The following SLC1A7 variants were observed in gnomAD, a reference collection of about 807,000 sequenced individuals.
The protein encoded by SLC1A7 is excitatory amino acid transporter 5.
In SLC1A7, 40 loss-of-function variants were observed where a neutral mutation model predicts 47.7. The ratio of observed to expected loss-of-function variants is 0.84; its 90% CI spans 0.65 to 1.09. The LOEUF (loss-of-function observed/expected upper bound fraction) is 1.09. SLC1A7 is among the 50% of genes least tolerant of loss of function. The pLI, the probability that SLC1A7 is intolerant of heterozygous loss-of-function variation, is 0.00. For synonymous variants in SLC1A7, 323 were observed against 325.6 expected, an observed-to-expected ratio of 0.99 and a Z score of 0.09; for missense variants, 746 against 769.5, an observed-to-expected ratio of 0.97 and a Z score of 0.36.
At chr1:53,125,433 C>T (rs1189795838) in intron 2 of SLC1A7, among the ~76,000 whole-genome samples, 1 of 152,106 alleles carries the variant, frequency 6.6e-6, no homozygotes, top group Non-Finnish European at 1.5e-5. Flanking sequence ...GAAAACTGTG[C>T]CCATTTGCAC....
chr1:53,124,574 T>C (rs1644860947), intron 2 of SLC1A7, among the ~76,000 whole-genome samples: 4 of 151,906 alleles, frequency 2.6e-5, no homozygotes, highest in Admixed American at 2.6e-4. Context: ...CAAGGCTCAG[T>C]TGACCTCCCA....
Position 53,087,754 on chromosome 1 carries a change from C to T in SLC1A7, c.*255G>A, listed in dbSNP as rs918027609. On this transcript the variant is annotated 3_prime_UTR_variant, in exon 11 of 11. Transcript: ENST00000371494. ...ACCCCTGCCTGCCGCCCTCACCGGG[C>T]TCACACCGGGGAAACTGTCACAGCG... is the stretch of plus-strand genomic sequence containing the variant. 3 of 340,720 alleles carry T rather than the reference C, an allele frequency of 8.8e-6. No homozygotes were observed. The highest frequency in any genetic ancestry group is 1.6e-5 in the Non-Finnish European group (3 of 188,540). 21.1% of individuals were successfully genotyped at this position (340,720 alleles called of 1,614,324 possible). A position where few individuals can be genotyped will look rare whatever the true frequency, so the allele number is the denominator to read the frequency against.
intron 5 of SLC1A7, among the ~76,000 whole-genome samples, chr1:53,098,339 G>A (rs1345946388): frequency 7.3e-6 from 1 of 136,820 alleles, no homozygotes; most frequent in African/African-American, 2.8e-5. Flanking sequence ...AACCCGCCTT[G>A]CTACACTCAC....
Position 53,128,556 on chromosome 1 carries a change from G to A in SLC1A7, c.215+5794C>T, listed in dbSNP as rs538017830. Among the ~76,000 whole-genome samples the A allele has an allele frequency of 3.5e-5, 5 of 143,194 alleles. 1 individual carries two copies. The South Asian group carries it at 1.1e-3, about 31-fold the overall frequency. The allele number at this position is 143,194 out of a possible 152,430, so 93.9% of individuals were successfully genotyped here. On this transcript the variant is annotated intron_variant, in intron 2 of 10. Coordinates refer to ENST00000371494, the MANE Select transcript of SLC1A7 (RefSeq NM_006671.6). ...CATGGCGCAAGGAATGGCTCTGGGTGCCAGGTGAGTGCATCATGGAGAAGT... is the reference window on the plus strand; with the variant it reads ...CATGGCGCAAGGAATGGCTCTGGGTACCAGGTGAGTGCATCATGGAGAAGT...
At chr1:53,101,447 C>T (rs1272671705) in intron 5 of SLC1A7, among the ~76,000 whole-genome samples, 1 of 148,772 alleles carries the variant, frequency 6.7e-6, no homozygotes, top group Non-Finnish European at 1.5e-5. Context: ...ACACATCTCA[C>T]AACGGTACAC....
chr1:53,093,388 G>T, intron 6 of SLC1A7, 73 bp downstream of exon 6: 1 of 1,189,986 alleles, frequency 8.4e-7, no homozygotes, highest in South Asian at 1.3e-5. Context: ...TACGGGAGAA[G>T]AGGGTGGGGT....
intron 2 of SLC1A7, among the ~76,000 whole-genome samples, chr1:53,118,886 T>C (rs986318305): frequency 6.6e-6 from 1 of 151,974 alleles, no homozygotes; most frequent in Non-Finnish European, 1.5e-5. Context: ...AATCCTAGCT[T>C]CTTGGGAGGC....
intron 1 of SLC1A7, among the ~76,000 whole-genome samples, chr1:53,136,648 T>TA (rs1276348280): frequency 1.7e-4 from 16 of 93,644 alleles, no homozygotes; most frequent in African/African-American, 6.3e-4. Flanking sequence ...AAAACATATA[T>TA]ATATTATATA....
rs199551726 is a variant in SLC1A7, at chr1:53,134,320, C to G, written c.215+30G>C. On this transcript the variant is annotated intron_variant, in intron 2 of 10. Coordinates refer to ENST00000371494, the MANE Select transcript of SLC1A7 (RefSeq NM_006671.6). ...AAGCCATCCTCTACCCTCCTGGTTC[C>G]GGACCACCTGGTCAAACCCCCGCTC... 3 of 1,567,708 alleles carry G rather than the reference C, an allele frequency of 1.9e-6. No homozygotes were observed. In the South Asian group the frequency reaches 3.4e-5, roughly 18 times the overall value.
chr1:53,104,351 C>T (rs143857183), intron 4 of SLC1A7, among the ~76,000 whole-genome samples: 92 of 152,320 alleles, frequency 6.0e-4, no homozygotes, highest in African/African-American at 2.2e-3. Flanking sequence ...CTACCATCAT[C>T]GTCATCATCA....
intron 5 of SLC1A7, among the ~76,000 whole-genome samples, chr1:53,095,967 TCA>T (rs1194223266): frequency 1.6e-5 from 2 of 128,564 alleles, no homozygotes; most frequent in African/African-American, 3.1e-5. Flanking sequence ...CTCGGTGCAT[TCA>T]CACACACCAC....
At chr1:53,103,114 G>T in intron 5 of SLC1A7, 1 of 451,816 alleles carries the variant, frequency 2.2e-6, no homozygotes, top group South Asian at 4.3e-5. Context: ...CCAGCTGCGG[G>T]CCTAAGAAAT....
chr1:53,111,391 G>A (rs759641130), intron 3 of SLC1A7, among the ~76,000 whole-genome samples: 13 of 152,182 alleles, frequency 8.5e-5, no homozygotes, highest in Admixed American at 2.0e-4. Flanking sequence ...TGCAGGCTAC[G>A]ACTTTGTTGC....
chr1:53,091,036 A>G, intron 7 of SLC1A7: 1 of 1,322,578 alleles, frequency 7.6e-7, no homozygotes, highest in Non-Finnish European at 1.0e-6. Context: ...TGACGCCCAG[A>G]GGGCGGGGCT....
chr1:53,115,258 G>T, intron 2 of SLC1A7: 1 of 516,028 alleles, frequency 1.9e-6, no homozygotes, highest in South Asian at 2.6e-5. Flanking sequence ...GACACTGTTG[G>T]GGGAGTGAGA....
chr1:53,114,150 G>A (rs1260563387), intron 3 of SLC1A7, among the ~76,000 whole-genome samples: 1 of 152,148 alleles, frequency 6.6e-6, no homozygotes, highest in Non-Finnish European at 1.5e-5. Flanking sequence ...CAGGAGCAGG[G>A]GTGACCTGCA....
At chr1:53,131,907 G>T (rs750030266) in intron 2 of SLC1A7, among the ~76,000 whole-genome samples, 1 of 152,228 alleles carries the variant, frequency 6.6e-6, no homozygotes, top group African/African-American at 2.4e-5. Flanking sequence ...AGCCAGGGTG[G>T]CATGAAGGGG....
chr1:53,096,599 C>T (rs749813480), intron 5 of SLC1A7, among the ~76,000 whole-genome samples: 47 of 151,640 alleles, frequency 3.1e-4, no homozygotes, highest in Non-Finnish European at 5.7e-4. Flanking sequence ...ACACACCCTG[C>T]CTTGGTAAAC....
intron 5 of SLC1A7, among the ~76,000 whole-genome samples, chr1:53,099,465 C>G (rs1265214642): frequency 2.0e-5 from 3 of 151,064 alleles, no homozygotes; most frequent in African/African-American, 2.4e-5. Context: ...TCGGTACACT[C>G]ACACACCTCG....
Sources: gnomAD v4.1 joint callset for allele counts (sites outside exome capture counted in the v4.1 genomes callset) on GRCh38, gnomAD v4.1.1 for gene constraint, MANE v1.5 for transcripts, NCBI Gene and HGNC (gene_info 2026-07-23, HGNC 2026-07-21) for gene names.